Variants in CPVL observed in about 807,000 individuals in gnomAD.
The protein encoded by CPVL is probable serine carboxypeptidase CPVL.
In CPVL, 51 loss-of-function variants were observed where a neutral mutation model predicts 63.7. The observed-to-expected ratio is 0.80, with a 90% CI of 0.64 to 1.01. The LOEUF is 1.01. Ranked by LOEUF, CPVL falls within the 50% of genes least tolerant of loss-of-function variation. CPVL has a pLI of 0.00. For missense variants in CPVL, 530 were observed against 573.1 expected, an observed-to-expected ratio of 0.92 and a Z score of 0.77; for synonymous variants, 195 against 206.0, an observed-to-expected ratio of 0.95 and a Z score of 0.46.
chr7:29,068,542 G>A (rs984406591), intron 9 of CPVL, among the ~76,000 whole-genome samples: 4 of 152,140 alleles, frequency 2.6e-5, no homozygotes, highest in Admixed American at 6.5e-5. Context: ...ACCAGCCAAA[G>A]TTCTGCTCGC....
intron 12 of CPVL, among the ~76,000 whole-genome samples, chr7:29,000,408 TGTGGAAATGCAGGAGGC>T (rs550911535): frequency 8.0e-4 from 120 of 150,482 alleles, no homozygotes; most frequent in African/African-American, 1.5e-3. Flanking sequence ...GGAAACTGTG[TGTGGAAATGCAGGAGGC>T]GTGGAAATGC....
At chr7:29,004,796 G>T (rs1785009912) in intron 12 of CPVL, among the ~76,000 whole-genome samples, 1 of 152,140 alleles carries the variant, frequency 6.6e-6, no homozygotes, top group Non-Finnish European at 1.5e-5. Context: ...AATCTGGAAT[G>T]GTTGCTTACT....
At chr7:29,130,233 T>A (rs1171137385) in intron 1 of CPVL, among the ~76,000 whole-genome samples, 1 of 152,188 alleles carries the variant, frequency 6.6e-6, no homozygotes, top group East Asian at 1.9e-4. Context: ...CTACTTTAAG[T>A]TGCCTGGTAG....
chr7:29,176,140 C>A (rs553423114), intron 5 of CPVL, among the ~76,000 whole-genome samples: 2 of 151,506 alleles, frequency 1.3e-5, no homozygotes, highest in Non-Finnish European at 2.9e-5. Context: ...GAGCCAAGAT[C>A]GCGCCACTGC....
At chr7:29,189,216 G>T (rs1490642759) in intron 1 of CPVL, among the ~76,000 whole-genome samples, 3 of 151,822 alleles carry the variant, frequency 2.0e-5, no homozygotes, top group African/African-American at 4.8e-5. Context: ...CCTCCCAAAG[G>T]GCTGGGATTA....
At chr7:29,105,047 A>G (rs1312390068) in intron 3 of CPVL, among the ~76,000 whole-genome samples, 1 of 152,204 alleles carries the variant, frequency 6.6e-6, no homozygotes, top group Admixed American at 6.5e-5. Context: ...GAAGATAAAT[A>G]GAGTCAGTTT....
At chr7:29,173,183 A>T (rs1289802959) in intron 5 of CPVL, among the ~76,000 whole-genome samples, 1 of 152,116 alleles carries the variant, frequency 6.6e-6, no homozygotes, top group East Asian at 1.9e-4. Flanking sequence ...ACATTTTTAA[A>T]AATGCACACC....
intron 1 of CPVL, chr7:29,127,638 T>C (rs13222914): frequency 0.13 from 20,225 of 152,202 alleles, 1,334 homozygotes; most frequent in African/African-American, 0.15. Context: ...GGCTGCTCTC[T>C]GACCTTTTCC....
chr7:29,189,177 C>G (rs1799090499), intron 1 of CPVL, among the ~76,000 whole-genome samples: 1 of 152,044 alleles, frequency 6.6e-6, no homozygotes, highest in Non-Finnish European at 1.5e-5. Flanking sequence ...TCTCGAACTC[C>G]TGACCTCAAA....
At chr7:29,077,177 C>T (rs1784321667) in intron 7 of CPVL, among the ~76,000 whole-genome samples, 1 of 152,030 alleles carries the variant, frequency 6.6e-6, no homozygotes, top group African/African-American at 2.4e-5. Flanking sequence ...CAGAGGAAAA[C>T]AAATAGTGTC....
At chr7:29,045,166 C>G (rs1789495313) in intron 11 of CPVL, among the ~76,000 whole-genome samples, 1 of 152,044 alleles carries the variant, frequency 6.6e-6, no homozygotes, top group South Asian at 2.1e-4. Context: ...AAAGTATGAA[C>G]AAGAGAAGAT....
At chr7:29,128,412 A>G (rs192716105) in intron 1 of CPVL, among the ~76,000 whole-genome samples, 63 of 152,150 alleles carry the variant, frequency 4.1e-4, no homozygotes, top group African/African-American at 1.3e-3. Context: ...TCGCTTCATG[A>G]GTGGTGACAA....
chr7:29,085,918 C>A (rs77233753), intron 7 of CPVL, among the ~76,000 whole-genome samples: 4,900 of 152,250 alleles, frequency 0.032, 278 homozygotes, highest in African/African-American at 0.11. Context: ...ATGATGAGGA[C>A]AACAAACAAG....
chr7:29,074,803 A>C (rs1322400804), intron 7 of CPVL, among the ~76,000 whole-genome samples: 1 of 150,456 alleles, frequency 6.6e-6, no homozygotes, highest in African/African-American at 2.5e-5. Context: ...TAGATACTTG[A>C]GGAGACACAA....
In CPVL at chr7:29,030,764, A is replaced by C; in HGVS notation, c.1138-5T>G. The C allele has an allele frequency of 6.3e-7, 1 of 1,596,686 alleles. No individual in the cohort carries two copies. Among genetic ancestry groups the C allele is most frequent in the Non-Finnish European group, 8.5e-7 (1 of 1,172,986 alleles). On this transcript the variant is annotated splice_polypyrimidine_tract_variant and splice_region_variant and intron_variant, in intron 11 of 12. Coordinates refer to ENST00000265394, the MANE Select transcript of CPVL (RefSeq NM_031311.5). ...TTGGCCATTGTAGATCAGAACCTGA[A>C]ATGAAATCAAGCCATCAGCAAATGC...
At chr7:29,139,645 C>T (rs987255687) in intron 1 of CPVL, among the ~76,000 whole-genome samples, 1 of 152,100 alleles carries the variant, frequency 6.6e-6, no homozygotes, top group African/African-American at 2.4e-5. Flanking sequence ...TTCTCTGAAA[C>T]AGACGTCTCG....
chr7:29,056,203 A>G (rs1584120344), intron 11 of CPVL, among the ~76,000 whole-genome samples: 2 of 152,186 alleles, frequency 1.3e-5, no homozygotes, highest in South Asian at 4.1e-4. Flanking sequence ...CAAATCACCT[A>G]AAGTCCACAG....
chr7:29,132,027 T>C (rs187604796), intron 1 of CPVL, among the ~76,000 whole-genome samples: 73 of 152,306 alleles, frequency 4.8e-4, no homozygotes, highest in African/African-American at 1.6e-3. Context: ...GGAAGAGAGA[T>C]AGGCGAGAGC....
At chr7:29,155,976 C>T (rs1794317759) in intron 5 of CPVL, among the ~76,000 whole-genome samples, 1 of 152,138 alleles carries the variant, frequency 6.6e-6, no homozygotes, top group South Asian at 2.1e-4. Context: ...CAGCTGTGCC[C>T]CTTGGGCTGT....
Sources: allele counts gnomAD v4.1 joint callset (sites outside exome capture counted in the v4.1 genomes callset), GRCh38; gene constraint gnomAD v4.1.1; transcripts MANE v1.5; gene names NCBI Gene and HGNC (gene_info 2026-07-23, HGNC 2026-07-21).